The following PCDHGB1 variants were observed in gnomAD, a reference collection of about 807,000 sequenced individuals.
PCDHGB1 encodes protocadherin gamma subfamily B, 1.
PCDHGB1 carries 34 observed loss-of-function variants against 56.6 expected under a neutral mutation model. The observed-to-expected ratio is 0.60, with a 90% CI of 0.46 to 0.80. The LOEUF (loss-of-function observed/expected upper bound fraction) is 0.80. PCDHGB1 is among the 30% of genes least tolerant of loss of function. PCDHGB1 has a pLI of 0.00. For missense variants in PCDHGB1, 1,278 were observed against 1,204.6 expected (o/e 1.06, Z -0.90); for synonymous variants, 561 against 505.9 (o/e 1.11, Z -1.46).
In PCDHGB1 at chr5:141,431,955, GA is replaced by G; in HGVS notation, c.2410-62849del. ...CCCTTTAAATTAGAAAAATCTTACG[GA>G]AATTACTATAGTTTAGTCACAGACA... On this transcript the variant is annotated intron_variant, in intron 1 of 3. Coordinates refer to ENST00000523390, the MANE Select transcript of PCDHGB1 (RefSeq NM_018922.3). The surrounding 1 kb of genome is among the most constrained non-coding windows in gnomAD (Gnocchi z 4.8). The G allele has an allele frequency of 6.2e-7, 1 of 1,614,142 alleles. No homozygotes were observed. Among genetic ancestry groups the G allele is most frequent in the Non-Finnish European group, 8.5e-7 (1 of 1,180,024 alleles).
At chr5:141,378,078 T>C (rs1215089288) in intron 1 of PCDHGB1, 1 of 152,178 alleles carries the variant, frequency 6.6e-6, no homozygotes, top group South Asian at 2.1e-4. Context: ...GAAAATAATT[T>C]TATAACTTTT....
At chr5:141,462,036 G>T (rs760555655) in intron 1 of PCDHGB1, among the ~76,000 whole-genome samples, 6 of 151,978 alleles carry the variant, frequency 3.9e-5, no homozygotes, top group Non-Finnish European at 8.8e-5. Flanking sequence ...TTGGTCAGGC[G>T]GGTCTTGAAC....
intron 1 of PCDHGB1, chr5:141,365,874 A>G (rs1015574143): frequency 3.1e-6 from 5 of 1,613,932 alleles, no homozygotes; most frequent in African/African-American, 2.7e-5. Flanking sequence ...GGTGTCCTGT[A>G]TGCTCTGAGA....
intron 1 of PCDHGB1, chr5:141,426,685 A>C (rs1342844985): frequency 4.6e-6 from 2 of 432,608 alleles, no homozygotes; most frequent in African/African-American, 2.0e-5. Flanking sequence ...CATTTTCCCC[A>C]AAATAGCATT....
At chr5:141,418,802 T>G (rs775155011) in intron 1 of PCDHGB1, 1 of 1,613,862 alleles carries the variant, frequency 6.2e-7, no homozygotes, top group Non-Finnish European at 8.5e-7. Flanking sequence ...AGTAGAAAGA[T>G]ATACGATAAA....
At chr5:141,404,815 G>A in intron 1 of PCDHGB1, 2 of 1,610,532 alleles carry the variant, frequency 1.2e-6, no homozygotes, top group South Asian at 1.1e-5. Flanking sequence ...CGGTGGGGCT[G>A]CACACAGGTG....
In PCDHGB1 at chr5:141,431,777, G is replaced by C. The variant is rs151011884; in HGVS notation, c.2410-63030G>C. 1.2e-6 allele frequency: 2 copies of C among 1,614,188 alleles called. No individual in the cohort carries two copies. The highest frequency in any genetic ancestry group is 4.5e-5 in the East Asian group (2 of 44,870). ...CAAAGTCCTGATCACTGTTCTGGAC[G>C]TGAACGACAATGCCCCAGAAGTGGT... On this transcript the variant is annotated intron_variant, in intron 1 of 3. Coordinates refer to ENST00000523390, the MANE Select transcript of PCDHGB1 (RefSeq NM_018922.3). The surrounding 1 kb of genome is among the most constrained non-coding windows in gnomAD (Gnocchi z 4.8).
chr5:141,436,080 T>C (rs755968267), intron 1 of PCDHGB1, among the ~76,000 whole-genome samples: 1 of 152,204 alleles, frequency 6.6e-6, no homozygotes, highest in Admixed American at 6.5e-5. Context: ...CAGTGTTCTA[T>C]AGGTAATATT....
chr5:141,485,192 A>T lies in PCDHGB1; in HGVS notation c.2410-9615A>T. 1.2e-6 allele frequency: 2 copies of T among 1,613,942 alleles called. No individual in the cohort carries two copies. Among genetic ancestry groups the T allele is most frequent in the African/African-American group, 2.7e-5 (2 of 75,048 alleles). On this transcript the variant is annotated intron_variant, in intron 1 of 3. Transcript: ENST00000523390. The surrounding 1 kb of genome is among the most constrained non-coding windows in gnomAD (Gnocchi z 5.7). ...GGCAGCAATGCTCCGCAAGGTGAGA[A>T]GCTGGACAGAAATCTGGCGGTGGGC... is the stretch of plus-strand genomic sequence containing the variant.
chr5:141,400,565 A>C (rs766459739), intron 1 of PCDHGB1: 1 of 1,612,948 alleles, frequency 6.2e-7, no homozygotes, highest in South Asian at 1.1e-5. Flanking sequence ...TTACCCACCC[A>C]ATTTTCTGTA....
At chr5:141,425,987 G>A (rs1304785231) in intron 1 of PCDHGB1, among the ~76,000 whole-genome samples, 1 of 152,188 alleles carries the variant, frequency 6.6e-6, no homozygotes, top group Non-Finnish European at 1.5e-5. Flanking sequence ...GAATCCCATT[G>A]AATTAGCAAA....
chr5:141,370,832 T>C, intron 1 of PCDHGB1: 1 of 1,614,018 alleles, frequency 6.2e-7, no homozygotes. Flanking sequence ...GCGAACTGGC[T>C]CTCACTGGAG....
chr5:141,357,306 C>A (rs761493933), intron 1 of PCDHGB1: 4 of 1,614,076 alleles, frequency 2.5e-6, no homozygotes, highest in South Asian at 1.1e-5. Context: ...CTGTCTCCTG[C>A]GTCTTCCTGG....
chr5:141,375,451 C>G (rs1561567898), intron 1 of PCDHGB1: 9 of 1,614,016 alleles, frequency 5.6e-6, no homozygotes, highest in Non-Finnish European at 7.6e-6. Flanking sequence ...CCCATTCATC[C>G]TACTCAGTCT....
intron 1 of PCDHGB1, chr5:141,393,008 T>C: frequency 1.2e-6 from 2 of 1,613,876 alleles, no homozygotes. Flanking sequence ...ACGGAGTCCG[T>C]ATCGTCTCCA....
chr5:141,388,686 GA>G, intron 1 of PCDHGB1: 1 of 1,613,980 alleles, frequency 6.2e-7, no homozygotes, highest in Non-Finnish European at 8.5e-7. Context: ...GACTGCCACG[GA>G]CCAGGATGAG....
At position 141,356,324 on chromosome 5, in the gene PCDHGB1, A is replaced by C. The variant is rs1206704066; in HGVS notation, c.2409+3655A>C. 3.2e-6 allele frequency: 5 copies of C among 1,554,266 alleles called. No individual in the cohort carries two copies. The East Asian group carries it at 1.2e-4, about 38-fold the overall frequency. ...GCACTTTTCAACGTGCATGACAGTG[A>C]CTCAGGAGGAAATGGCCTAGTCACA... On this transcript the variant is annotated intron_variant, in intron 1 of 3. Coordinates refer to ENST00000523390, the MANE Select transcript of PCDHGB1 (RefSeq NM_018922.3).
At chr5:141,393,937 ACT>A in intron 1 of PCDHGB1, 3 of 1,613,906 alleles carry the variant, frequency 1.9e-6, no homozygotes, top group Non-Finnish European at 2.5e-6. Flanking sequence ...CATGACCAAG[ACT>A]CTGGAAAGAA....
intron 1 of PCDHGB1, among the ~76,000 whole-genome samples, chr5:141,475,778 T>C (rs1204790631): frequency 2.0e-5 from 3 of 152,282 alleles, no homozygotes; most frequent in Non-Finnish European, 4.4e-5. Flanking sequence ...GCGCTTTGGC[T>C]GGAAACTCTG....
Sources: allele counts gnomAD v4.1 joint callset (sites outside exome capture counted in the v4.1 genomes callset), GRCh38; gene constraint gnomAD v4.1.1; non-coding constraint Gnocchi (gnomAD v3.1); transcripts MANE v1.5; gene names NCBI Gene and HGNC (gene_info 2026-07-23, HGNC 2026-07-21).